The following GALNTL5 variants were observed in gnomAD, a reference collection of about 807,000 sequenced individuals.
The protein encoded by GALNTL5 is polypeptide N-acetylgalactosaminyltransferase like 5.
Under a neutral mutation model 51.0 loss-of-function variants are expected in GALNTL5, and 44 were observed. The observed-to-expected ratio is 0.86, with a 90% confidence interval of 0.68 to 1.11. GALNTL5 has a LOEUF of 1.11. GALNTL5 is among the 50% of genes least tolerant of loss of function. GALNTL5 has a pLI of 0.00. For missense variants in GALNTL5, 528 were observed against 531.8 expected (o/e 0.99, Z 0.07); for synonymous variants, 192 against 182.8 (o/e 1.05, Z -0.41).
At chr7:151,958,400 G>T (rs567650483) in intron 1 of GALNTL5, among the ~76,000 whole-genome samples, 1 of 152,196 alleles carries the variant, frequency 6.6e-6, no homozygotes, top group Admixed American at 6.5e-5. Flanking sequence ...GATGCCAACC[G>T]CCACAGAGCC....
chr7:152,004,657 A>G (rs1176704380), intron 6 of GALNTL5, among the ~76,000 whole-genome samples: 1 of 152,124 alleles, frequency 6.6e-6, no homozygotes, highest in African/African-American at 2.4e-5. Context: ...CTCTATGTCC[A>G]TGTGTATACA....
intron 4 of GALNTL5, among the ~76,000 whole-genome samples, chr7:151,985,346 G>A (rs535343279): frequency 1.3e-5 from 2 of 152,288 alleles, no homozygotes; most frequent in Admixed American, 6.5e-5. Flanking sequence ...AGACACCTCT[G>A]CTTCTCCTCC....
chr7:152,014,660 G>T lies in GALNTL5; in HGVS notation c.1043G>T (p.Gly348Val). 6.2e-7 allele frequency: 1 copy of T among 1,607,850 alleles called. No homozygotes were observed. The highest frequency in any genetic ancestry group is 2.2e-5 in the East Asian group (1 of 44,826). ...TATGCCTAGATCTGGATGTGTGGAG[G>T]CCAACTCTTTATAATCCCCTGCTCT... ...ELSLRIWMCG[G>V]QLFIIPCSRV... is the part of the protein sequence containing the mutation. The change falls in exon 8 of 9, where the codon GGC becomes GTC. Residue 348 changes from glycine (G) to valine (V), a missense_variant. Transcript: ENST00000392800.
chr7:151,996,620 G>A (rs907750553), intron 5 of GALNTL5, among the ~76,000 whole-genome samples: 3 of 151,968 alleles, frequency 2.0e-5, no homozygotes, highest in Non-Finnish European at 4.4e-5. Flanking sequence ...GTGGTGGCCC[G>A]TGCCTGTAAT....
intron 1 of GALNTL5, among the ~76,000 whole-genome samples, chr7:151,962,469 G>C (rs1421337305): frequency 1.8e-5 from 2 of 108,316 alleles, no homozygotes; most frequent in African/African-American, 6.7e-5. Flanking sequence ...GCAGTAATCA[G>C]TGTTTGCATC....
chr7:151,983,597 C>A (rs1211099756), intron 4 of GALNTL5, among the ~76,000 whole-genome samples: 2 of 152,060 alleles, frequency 1.3e-5, no homozygotes, highest in African/African-American at 4.8e-5. Flanking sequence ...ATATGGTGGA[C>A]ATGTGAGACC....
chr7:151,979,896 G>A (rs953672626), intron 3 of GALNTL5, among the ~76,000 whole-genome samples: 2 of 152,138 alleles, frequency 1.3e-5, no homozygotes, highest in African/African-American at 2.4e-5. Context: ...CTGAAGGGAC[G>A]CAGTTTATTT....
intron 5 of GALNTL5, among the ~76,000 whole-genome samples, chr7:151,999,214 A>G (rs572416623): frequency 1.6e-4 from 24 of 152,130 alleles, no homozygotes; most frequent in Non-Finnish European, 2.8e-4. Context: ...TTCCTTTTTT[A>G]TGGTTGAATA....
chr7:151,994,322 A>G (rs1481941645), intron 5 of GALNTL5, among the ~76,000 whole-genome samples: 1 of 151,200 alleles, frequency 6.6e-6, no homozygotes, highest in Non-Finnish European at 1.5e-5. Context: ...TTTTTTATCA[A>G]CTCTATTGAG....
intron 3 of GALNTL5, among the ~76,000 whole-genome samples, chr7:151,974,638 C>G (rs1351162346): frequency 2.0e-5 from 3 of 152,138 alleles, no homozygotes; most frequent in Admixed American, 2.0e-4. Flanking sequence ...TTACTCAAAC[C>G]ATAGAACATG....
chr7:151,980,481 C>T (rs528890384), intron 3 of GALNTL5, among the ~76,000 whole-genome samples: 5 of 152,252 alleles, frequency 3.3e-5, no homozygotes, highest in Admixed American at 2.6e-4. Flanking sequence ...CCATCTGTTC[C>T]GGTGCTTCCT....
chr7:151,994,712 C>T (rs1484692167), intron 5 of GALNTL5, among the ~76,000 whole-genome samples: 1 of 152,094 alleles, frequency 6.6e-6, no homozygotes, highest in Admixed American at 6.6e-5. Context: ...CAAACCACCC[C>T]ATATTAAATA....
At chr7:151,972,323 T>C (rs1464052189) in intron 3 of GALNTL5, among the ~76,000 whole-genome samples, 2 of 152,154 alleles carry the variant, frequency 1.3e-5, no homozygotes, top group African/African-American at 4.8e-5. Flanking sequence ...ACCCTAGAGA[T>C]CTATGGAACT....
chr7:151,966,330 C>T (rs151025216), intron 1 of GALNTL5, among the ~76,000 whole-genome samples: 1,975 of 151,162 alleles, frequency 0.013, 41 homozygotes, highest in African/African-American at 0.045. Flanking sequence ...TGCAGTGGTG[C>T]GATCTTGGCT....
intron 5 of GALNTL5, among the ~76,000 whole-genome samples, chr7:151,989,396 G>T (rs541948117): frequency 2.6e-5 from 4 of 152,112 alleles, no homozygotes; most frequent in Non-Finnish European, 5.9e-5. Context: ...CAAATGATCC[G>T]CCCACCTCGG....
intron 7 of GALNTL5, among the ~76,000 whole-genome samples, chr7:152,012,734 A>C (rs1259311411): frequency 6.6e-6 from 1 of 152,246 alleles, no homozygotes; most frequent in Non-Finnish European, 1.5e-5. Context: ...TGGGAGGCCA[A>C]GGTGGGCAGA....
At chr7:151,958,938 G>T (rs964452671) in intron 1 of GALNTL5, among the ~76,000 whole-genome samples, 1 of 150,782 alleles carries the variant, frequency 6.6e-6, no homozygotes, top group Non-Finnish European at 1.5e-5. Flanking sequence ...GCTGAGTCTG[G>T]GGTTTTCATG....
intron 6 of GALNTL5, 97 bp downstream of exon 6, chr7:152,003,060 T>A: frequency 1.9e-6 from 2 of 1,048,782 alleles, no homozygotes; most frequent in Non-Finnish European, 2.8e-6. Flanking sequence ...TTCTTGGGCT[T>A]AATCAAAATG....
chr7:151,971,896 G>C lies in GALNTL5; in HGVS notation c.368+831G>C, dbSNP rs540341373. ...CCTTCACCTTCTACCATGATTGTCA[G>C]TTTCCTGAGGCTTCCCAGCCATGTG... On this transcript the variant is annotated intron_variant, in intron 3 of 8. Coordinates refer to ENST00000392800, the MANE Select transcript of GALNTL5 (RefSeq NM_145292.4). Among the ~76,000 whole-genome samples, 11 of 152,272 alleles carry C rather than the reference G, an allele frequency of 7.2e-5. No homozygotes were observed. The South Asian group carries it at 1.9e-3, about 26-fold the overall frequency.
Sources: allele counts gnomAD v4.1 joint callset (sites outside exome capture counted in the v4.1 genomes callset), GRCh38; gene constraint gnomAD v4.1.1; transcripts MANE v1.5; gene names NCBI Gene and HGNC (gene_info 2026-07-23, HGNC 2026-07-21).